Variants in MYO18B observed in about 807,000 individuals in gnomAD.
MYO18B encodes unconventional myosin-XVIIIb.
A neutral mutation model predicts 273.0 loss-of-function variants in MYO18B; 204 were observed. That is an observed-to-expected ratio of 0.75 (90% CI 0.67 to 0.84). The LOEUF is 0.84. Among genes scored for constraint, MYO18B ranks in the 40% least tolerant of loss-of-function variants. The pLI is 0.00. For synonymous variants in MYO18B, 1,330 were observed against 1,305.7 expected, an observed-to-expected ratio of 1.02 and a Z score of -0.40; for missense variants, 3,212 against 3,287.6, an observed-to-expected ratio of 0.98 and a Z score of 0.56.
chr22:26,031,566 T>A (rs1182464116), downstream of MYO18B, among the ~76,000 whole-genome samples: 1 of 152,176 alleles, frequency 6.6e-6, no homozygotes, highest in Non-Finnish European at 1.5e-5. Flanking sequence ...TACCCTACCT[T>A]TAAATTAAGT....
intron 34 of MYO18B, among the ~76,000 whole-genome samples, chr22:25,940,081 A>G (rs1442938818): frequency 1.3e-5 from 2 of 152,348 alleles, no homozygotes; most frequent in East Asian, 1.9e-4. Flanking sequence ...TGTACTCAGC[A>G]GTCCTACTCA....
intron 23 of MYO18B, among the ~76,000 whole-genome samples, chr22:25,875,136 A>C (rs1264432198): frequency 6.6e-6 from 1 of 152,228 alleles, no homozygotes; most frequent in African/African-American, 2.4e-5. Flanking sequence ...AATAATGAAC[A>C]TATTGTGGGC....
rs1569098998 is a variant in MYO18B at position 25,843,754 on chromosome 22, C to T, written c.3228C>T (p.Thr1076=). ...TTCCAGGGTCCTCTGCCCTGCGGAC[C>T]TGTGAGCAGCCCCTCCAGTGTGAGA... ...AGTEGSSALR[T]CEQPLQCEIF... The change falls in exon 18 of 44, where the codon ACC becomes ACT. Residue 1076 remains threonine (T), a synonymous_variant. Transcript: ENST00000335473. The T allele has an allele frequency of 1.2e-6, 2 of 1,613,572 alleles. No homozygotes were observed. Among genetic ancestry groups the T allele is most frequent in the Admixed American group, 1.7e-5 (1 of 59,990 alleles).
At chr22:25,816,289 A>T (rs1482416698) in intron 12 of MYO18B, among the ~76,000 whole-genome samples, 1 of 152,180 alleles carries the variant, frequency 6.6e-6, no homozygotes, top group Non-Finnish European at 1.5e-5. Context: ...AATAGAGTTG[A>T]CATTTACTGA....
At chr22:25,800,019 A>T (rs1280212582) in intron 12 of MYO18B, among the ~76,000 whole-genome samples, 1 of 152,106 alleles carries the variant, frequency 6.6e-6, no homozygotes, top group African/African-American at 2.4e-5. Flanking sequence ...TAAAGATGAG[A>T]TGAAATAATG....
At chr22:25,931,300 G>A (rs921192919) in intron 34 of MYO18B, among the ~76,000 whole-genome samples, 3 of 152,252 alleles carry the variant, frequency 2.0e-5, no homozygotes, top group African/African-American at 7.2e-5. Flanking sequence ...GAAGTGGGAA[G>A]AGGCTGGTTT....
At chr22:26,056,958 C>T in the MYO18B span, among the ~76,000 whole-genome samples, 3 of 152,148 alleles carry the variant, frequency 2.0e-5, no homozygotes. Context: ...CACTGAGTCA[C>T]AGAATAGTAC....
chr22:25,854,862 A>C (rs987994557), intron 21 of MYO18B, among the ~76,000 whole-genome samples: 1 of 152,208 alleles, frequency 6.6e-6, no homozygotes. Context: ...CTGAGGCTGA[A>C]AAATATTCCA....
chr22:25,756,264 A>G (rs2086118476), intron 1 of MYO18B: 1 of 152,326 alleles, frequency 6.6e-6, no homozygotes, highest in African/African-American at 2.4e-5. Context: ...ACTAATGCAA[A>G]AGCCCACACT....
At chr22:26,025,714 T>G (rs567898605) in intron 42 of MYO18B, among the ~76,000 whole-genome samples, 2 of 152,074 alleles carry the variant, frequency 1.3e-5, no homozygotes, top group South Asian at 4.2e-4. Context: ...GTCTCTCTCC[T>G]TTGAATGATG....
intron 3 of MYO18B, among the ~76,000 whole-genome samples, chr22:25,764,140 C>T (rs1371220206): frequency 6.6e-6 from 1 of 152,192 alleles, no homozygotes; most frequent in East Asian, 1.9e-4. Flanking sequence ...TGGTGTCCGT[C>T]CTGATTGGTT....
At chr22:25,753,187 C>T (rs2085993095) in intron 1 of MYO18B, among the ~76,000 whole-genome samples, 2 of 152,080 alleles carry the variant, frequency 1.3e-5, no homozygotes, top group Admixed American at 6.5e-5. Context: ...GGCCCCAGCG[C>T]AAGATCCACA....
chr22:25,891,193 A>G, intron 26 of MYO18B, 111 bp from the exon 27 acceptor site: 1 of 824,532 alleles, frequency 1.2e-6, no homozygotes, highest in South Asian at 1.7e-5. Context: ...TGCATGGCTC[A>G]GGGCTGTGCA....
At chr22:26,004,141 CATACAT>C (rs1444534470) in intron 41 of MYO18B, among the ~76,000 whole-genome samples, 1 of 151,672 alleles carries the variant, frequency 6.6e-6, no homozygotes, top group Non-Finnish European at 1.5e-5. Context: ...AATATACACA[CATACAT>C]ATACACACAC....
chr22:26,025,174 C>A (rs538446821), intron 42 of MYO18B, among the ~76,000 whole-genome samples: 4 of 152,278 alleles, frequency 2.6e-5, no homozygotes, highest in African/African-American at 9.6e-5. Context: ...CCACCTATTT[C>A]CCTGGGAAAG....
At chr22:25,925,092 G>A (rs148667546) in intron 34 of MYO18B, among the ~76,000 whole-genome samples, 311 of 152,196 alleles carry the variant, frequency 2.0e-3, no homozygotes, top group African/African-American at 7.1e-3. Context: ...TGACCAATAC[G>A]GGTCCTATTA....
At chr22:25,863,176 T>C (rs981392841) in intron 21 of MYO18B, among the ~76,000 whole-genome samples, 3 of 152,226 alleles carry the variant, frequency 2.0e-5, no homozygotes, top group African/African-American at 7.2e-5. Flanking sequence ...TTAAAAATAA[T>C]TTCTATCTTG....
chr22:25,867,231 G>A (rs1046871585), intron 21 of MYO18B, among the ~76,000 whole-genome samples: 2 of 152,090 alleles, frequency 1.3e-5, no homozygotes, highest in South Asian at 2.1e-4. Context: ...TCTGCACAAC[G>A]CTCTTCCTCT....
At chr22:25,852,395 T>TAATGAATGAATGAATG (rs3079384) in intron 21 of MYO18B, among the ~76,000 whole-genome samples, 8 of 150,644 alleles carry the variant, frequency 5.3e-5, no homozygotes, top group African/African-American at 2.0e-4. Flanking sequence ...TTTGTTGAGT[T>TAATGAATGAATGAATG]AATGAATGAA....
Sources: allele counts gnomAD v4.1 joint callset (sites outside exome capture counted in the v4.1 genomes callset), GRCh38; gene constraint gnomAD v4.1.1; transcripts MANE v1.5; gene names NCBI Gene and HGNC (gene_info 2026-07-23, HGNC 2026-07-21).